The following STRN3 variants were observed in gnomAD, a reference collection of about 807,000 sequenced individuals.
STRN3 encodes the protein striatin-3.
Under a neutral mutation model 95.6 loss-of-function variants are expected in STRN3, and 29 were observed. The ratio of observed to expected loss-of-function variants is 0.30; its 90% CI spans 0.23 to 0.41. The LOEUF is 0.41. Among genes scored for constraint, STRN3 ranks in the 10% least tolerant of loss-of-function variants. The pLI is 1.00. For missense variants in STRN3, 890 were observed against 972.1 expected, an observed-to-expected ratio of 0.92 and a Z score of 1.12; for synonymous variants, 331 against 357.6, an observed-to-expected ratio of 0.93 and a Z score of 0.84.
chr14:30,959,760 G>A (rs1327946656), intron 1 of STRN3, among the ~76,000 whole-genome samples: 1 of 151,960 alleles, frequency 6.6e-6, no homozygotes, highest in African/African-American at 2.4e-5. Flanking sequence ...GGGACTTCGA[G>A]ACCAGCCTGG....
chr14:30,905,494 G>A lies in STRN3; in HGVS notation c.1953C>T (p.Phe651=). Residue 651 remains phenylalanine, a synonymous_variant, in exon 15 of 18, where the codon TTC becomes TTT. Coordinates refer to ENST00000357479, the MANE Select transcript of STRN3 (RefSeq NM_001083893.2). The part of the protein sequence containing the change: ...GCDPAHMVTS[F]NTGSAVIYDL... ...CATAAATTACTGCACTACCAGTGTT[G>A]AAAGAGGTTACCATATGAGCTGGAT... 1 of 1,610,448 alleles carries A rather than the reference G, an allele frequency of 6.2e-7. No homozygotes were observed. Among genetic ancestry groups the A allele is most frequent in the South Asian group, 1.1e-5 (1 of 89,796 alleles).
chr14:30,917,757 A>G (rs1036738530), intron 9 of STRN3, among the ~76,000 whole-genome samples: 1 of 152,128 alleles, frequency 6.6e-6, no homozygotes, highest in African/African-American at 2.4e-5. Context: ...GAGAGGGAAA[A>G]AATGCAAAAT....
intron 1 of STRN3, among the ~76,000 whole-genome samples, chr14:31,012,656 G>A (rs1018100632): frequency 1.7e-4 from 26 of 152,326 alleles, no homozygotes; most frequent in African/African-American, 6.3e-4. Context: ...CAATTTGGGA[G>A]ACCGAGGCGG....
At chr14:30,930,652 T>C (rs570104709) in intron 7 of STRN3, among the ~76,000 whole-genome samples, 1 of 151,412 alleles carries the variant, frequency 6.6e-6, no homozygotes, top group East Asian at 1.9e-4. Context: ...TAAGATTATC[T>C]ATCTGTCAAA....
chr14:30,978,169 T>C (rs930507222), intron 1 of STRN3, among the ~76,000 whole-genome samples: 2 of 152,148 alleles, frequency 1.3e-5, no homozygotes, highest in East Asian at 3.9e-4. Context: ...GAAGCCAGCA[T>C]TATCCTAATA....
At chr14:30,914,035 G>T (rs1229461495) in intron 9 of STRN3, among the ~76,000 whole-genome samples, 1 of 152,030 alleles carries the variant, frequency 6.6e-6, no homozygotes, top group Non-Finnish European at 1.5e-5. Context: ...ATTCATGAGG[G>T]GAAACCTCTA....
At chr14:30,901,039 A>C (rs1377584240) in intron 16 of STRN3, among the ~76,000 whole-genome samples, 1 of 152,212 alleles carries the variant, frequency 6.6e-6, no homozygotes, top group Non-Finnish European at 1.5e-5. Flanking sequence ...AATAAACAGG[A>C]ATCTTTTTAG....
rs550854199 is a variant in STRN3, at chr14:31,004,785, T to A, written c.282+21119A>T. On this transcript the variant is annotated intron_variant, in intron 1 of 17. Transcript: ENST00000357479. ...TGAAACTCCGTATTGAAAAAAAAAA[T>A]TTTTTTTTTTTAAATCTTGGGGGAA... is the stretch of plus-strand genomic sequence containing the variant. Among the ~76,000 whole-genome samples the A allele has an allele frequency of 2.8e-3, 414 of 145,952 alleles. 2 individuals are homozygous for A. The highest frequency in any genetic ancestry group is 8.5e-3 in the African/African-American group (341 of 40,170).
At position 30,902,652 on chromosome 14, in the gene STRN3, TAAAG is replaced by T. The variant is rs763167406; in HGVS notation, c.2030-13_2030-10del. ...ATTATTAGATTGTAAACCTGAAAAA[TAAAG>T]GAAGACAATAAGTTAAAATTCAAAC... On this transcript the variant is annotated splice_polypyrimidine_tract_variant and intron_variant, in intron 15 of 17. Transcript: ENST00000357479. 22 of 1,529,600 alleles carry T rather than the reference TAAAG, an allele frequency of 1.4e-5. No homozygotes were observed. Among genetic ancestry groups the T allele is most frequent in the Admixed American group, 1.9e-5 (1 of 52,628 alleles). 94.8% of individuals were successfully genotyped at this position (1,529,600 alleles called of 1,614,324 possible).
At chr14:30,968,361 T>C (rs989986628) in intron 1 of STRN3, among the ~76,000 whole-genome samples, 1 of 140,492 alleles carries the variant, frequency 7.1e-6, no homozygotes, top group Non-Finnish European at 1.5e-5. Flanking sequence ...TAAATTCTTG[T>C]CCTAAAATAA....
At chr14:30,918,346 A>T (rs1028207991) in intron 9 of STRN3, among the ~76,000 whole-genome samples, 1 of 151,908 alleles carries the variant, frequency 6.6e-6, no homozygotes, top group Non-Finnish European at 1.5e-5. Flanking sequence ...GTCTCTACTA[A>T]AAATACAAAA....
chr14:30,984,128 CCCCCCCCAA>C, intron 1 of STRN3, among the ~76,000 whole-genome samples: 1 of 44,218 alleles, frequency 2.3e-5, no homozygotes, highest in South Asian at 1.7e-3. Flanking sequence ...ATCTTCCCCG[CCCCCCCCAA>C]CCCCCCCCCA....
At chr14:30,956,476 G>T (rs1879910655) in intron 1 of STRN3, among the ~76,000 whole-genome samples, 2 of 152,108 alleles carry the variant, frequency 1.3e-5, no homozygotes, top group African/African-American at 4.8e-5. Flanking sequence ...AACATAGTGA[G>T]ACCTCATCTC....
chr14:30,896,838 T>C (rs1306795150), intron 16 of STRN3, among the ~76,000 whole-genome samples: 1 of 152,158 alleles, frequency 6.6e-6, no homozygotes, highest in African/African-American at 2.4e-5. Context: ...AATGAGTATC[T>C]TCAGTGAAGA....
chr14:30,910,969 A>T, intron 13 of STRN3, 72 bp downstream of exon 13: 1 of 1,528,202 alleles, frequency 6.5e-7, no homozygotes. Context: ...TAACCTTGTA[A>T]TCATATTTGA....
At position 30,960,741 on chromosome 14, in the gene STRN3, C is replaced by T. The variant is rs185460838; in HGVS notation, c.283-4499G>A. On this transcript the variant is annotated intron_variant, in intron 1 of 17. Transcript: ENST00000357479. ...AAAATTAGCCGGGCGTGGTGGCGGGCGCCTGTAATCCCAGCTACTCAGGAG... is the reference window on the plus strand; with the variant it reads ...AAAATTAGCCGGGCGTGGTGGCGGGTGCCTGTAATCCCAGCTACTCAGGAG... Among the ~76,000 whole-genome samples the T allele has an allele frequency of 1.4e-3, 208 of 151,682 alleles. 4 individuals carry two copies. The East Asian group carries it at 0.03, about 22-fold the overall frequency.
chr14:30,989,891 G>C (rs1881870939), intron 1 of STRN3, among the ~76,000 whole-genome samples: 1 of 151,982 alleles, frequency 6.6e-6, no homozygotes, highest in Non-Finnish European at 1.5e-5. Context: ...TGATTAATAT[G>C]AATTGTCTGT....
chr14:30,920,668 C>A (rs1896856586), intron 8 of STRN3, among the ~76,000 whole-genome samples: 1 of 152,172 alleles, frequency 6.6e-6, no homozygotes, highest in Admixed American at 6.5e-5. Context: ...TCAAGGCTTT[C>A]AATCTTATGA....
At chr14:31,025,032 G>A (rs903571406) in intron 1 of STRN3, 5 of 152,176 alleles carry the variant, frequency 3.3e-5, no homozygotes, top group African/African-American at 1.2e-4. Flanking sequence ...GAAGGGTTCC[G>A]AGAACATCTC....
Sources: gnomAD v4.1 joint callset for allele counts (sites outside exome capture counted in the v4.1 genomes callset) on GRCh38, gnomAD v4.1.1 for gene constraint, MANE v1.5 for transcripts, NCBI Gene and HGNC (gene_info 2026-07-23, HGNC 2026-07-21) for gene names.